PHF20: variants seen among roughly 807,000 people sequenced by gnomAD.
PHF20 encodes glioma-expressed antigen 2.
A neutral mutation model predicts 113.5 loss-of-function variants in PHF20; 23 were observed. That is an observed-to-expected ratio of 0.20 (90% confidence interval 0.15 to 0.29). PHF20 has a LOEUF of 0.29. PHF20 is among the 10% of genes least tolerant of loss of function. The pLI is 1.00. For synonymous variants in PHF20, 434 were observed against 457.3 expected, an observed-to-expected ratio of 0.95 and a Z score of 0.65; for missense variants, 943 against 1,219.6, an observed-to-expected ratio of 0.77 and a Z score of 3.38.
chr20:35,914,879 G>A (rs1369084178), intron 12 of PHF20, among the ~76,000 whole-genome samples: 1 of 148,884 alleles, frequency 6.7e-6, no homozygotes, highest in African/African-American at 2.5e-5. Context: ...CAGGAGAATC[G>A]TTTGAATCTG....
At chr20:35,931,205 TTC>T (rs753176068) in intron 14 of PHF20, 42 bp from the exon 15 acceptor site, 1 of 1,417,812 alleles carries the variant, frequency 7.1e-7, no homozygotes, top group East Asian at 2.3e-5. Flanking sequence ...TGGCCTGGGT[TTC>T]CTTCAGGCCT....
intron 9 of PHF20, among the ~76,000 whole-genome samples, chr20:35,891,500 ATTC>A (rs2054859922): frequency 6.6e-6 from 1 of 152,230 alleles, no homozygotes; most frequent in African/African-American, 2.4e-5. Flanking sequence ...ACTTACAGGA[ATTC>A]TTCGAGGCAG....
intron 9 of PHF20, among the ~76,000 whole-genome samples, chr20:35,889,645 G>A (rs2054811139): frequency 6.6e-6 from 1 of 151,972 alleles, no homozygotes; most frequent in African/African-American, 2.4e-5. Context: ...TTACACGCAT[G>A]AGCCACTGTG....
intron 1 of PHF20, among the ~76,000 whole-genome samples, chr20:35,777,600 G>A (rs1600716348): frequency 6.6e-6 from 1 of 152,344 alleles, no homozygotes; most frequent in East Asian, 1.9e-4. Context: ...AGGATTGCTT[G>A]AAGCCAGGAG....
chr20:35,941,149 T>C, intron 17 of PHF20, 102 bp downstream of exon 17: 1 of 845,398 alleles, frequency 1.2e-6, no homozygotes, highest in Non-Finnish European at 1.8e-6. Context: ...GGGACCGCTG[T>C]ACTCTTTGCT....
At chr20:35,902,690 T>C (rs2055120209) in intron 10 of PHF20, among the ~76,000 whole-genome samples, 1 of 152,224 alleles carries the variant, frequency 6.6e-6, no homozygotes, top group Admixed American at 6.5e-5. Flanking sequence ...TGAGTTTGAA[T>C]ACAGGCTCTA....
At chr20:35,913,441 G>A (rs2055345436) in intron 11 of PHF20, 94 bp downstream of exon 11, 2 of 832,646 alleles carry the variant, frequency 2.4e-6, no homozygotes, top group South Asian at 1.6e-5. Flanking sequence ...CCTGCGCTGA[G>A]CAGAGGAAGG....
intron 4 of PHF20, among the ~76,000 whole-genome samples, chr20:35,852,621 C>T (rs61415432): frequency 0.029 from 4,349 of 147,804 alleles, 116 homozygotes; most frequent in African/African-American, 0.073. Flanking sequence ...TTTTTTGAGA[C>T]GGAGTCTCCC....
intron 2 of PHF20, among the ~76,000 whole-genome samples, chr20:35,825,779 G>A (rs2042249706): frequency 6.6e-6 from 1 of 152,136 alleles, no homozygotes; most frequent in East Asian, 1.9e-4. Context: ...TCAGCCTCCT[G>A]TGTAGTTGGG....
At chr20:35,811,384 T>TG (rs2041974452) in intron 2 of PHF20, among the ~76,000 whole-genome samples, 1 of 152,052 alleles carries the variant, frequency 6.6e-6, no homozygotes, top group African/African-American at 2.4e-5. Context: ...TGTGACTTCT[T>TG]GCCTCTGAAT....
intron 9 of PHF20, among the ~76,000 whole-genome samples, chr20:35,895,300 A>T (rs962191744): frequency 6.6e-6 from 1 of 152,060 alleles, no homozygotes; most frequent in Non-Finnish European, 1.5e-5. Flanking sequence ...CTGGGATTAC[A>T]GGTGTGAGCC....
At chr20:35,905,277 C>T (rs1459030192) in intron 10 of PHF20, among the ~76,000 whole-genome samples, 2 of 152,104 alleles carry the variant, frequency 1.3e-5, no homozygotes, top group South Asian at 4.1e-4. Flanking sequence ...TCAGATTTTG[C>T]CTGTAGGGTA....
At chr20:35,894,415 AT>A (rs1432975637) in intron 9 of PHF20, among the ~76,000 whole-genome samples, 1 of 152,218 alleles carries the variant, frequency 6.6e-6, no homozygotes, top group Non-Finnish European at 1.5e-5. Context: ...AATCTGGATA[AT>A]TAGACTAGCT....
chr20:35,828,011 TTTTA>T lies in PHF20; in HGVS notation c.84-14538_84-14535del, dbSNP rs144459460. ...CCCTAGAGTAAGCTGCACTCATTAG[TTTTA>T]TTTATTTATTTATTTATTTATTTCT... On this transcript the variant is annotated intron_variant, in intron 2 of 17. Coordinates refer to ENST00000374012, the MANE Select transcript of PHF20 (RefSeq NM_016436.5). Among the ~76,000 whole-genome samples the T allele has an allele frequency of 5.9e-5, 9 of 151,734 alleles. 1 individual carries two copies. Among genetic ancestry groups the T allele is most frequent in the South Asian group, 2.1e-4 (1 of 4,804 alleles).
At chr20:35,775,462 A>G (rs2041153471) in intron 1 of PHF20, among the ~76,000 whole-genome samples, 1 of 152,028 alleles carries the variant, frequency 6.6e-6, no homozygotes, top group South Asian at 2.1e-4. Context: ...CTTTTTAAAT[A>G]TTGGCCAAAA....
intron 9 of PHF20, among the ~76,000 whole-genome samples, chr20:35,872,718 T>C (rs1234852211): frequency 1.3e-5 from 2 of 152,214 alleles, no homozygotes. Context: ...ACCTTATTGC[T>C]ATTGATTTCT....
chr20:35,864,769 T>C (rs2054284866), intron 6 of PHF20, among the ~76,000 whole-genome samples: 1 of 152,176 alleles, frequency 6.6e-6, no homozygotes, highest in South Asian at 2.1e-4. Flanking sequence ...CTGTCTAGTA[T>C]GGTAGCCACT....
intron 12 of PHF20, 144 bp downstream of exon 12, chr20:35,914,341 TTTACAAAAC>T (rs2147084666): frequency 2.5e-6 from 2 of 806,394 alleles, no homozygotes; most frequent in Admixed American, 5.8e-5. Flanking sequence ...TTTCCCAGTG[TTTACAAAAC>T]TTATGTTTAT....
intron 2 of PHF20, among the ~76,000 whole-genome samples, chr20:35,808,210 C>T (rs2041917557): frequency 6.6e-6 from 1 of 152,152 alleles, no homozygotes; most frequent in Non-Finnish European, 1.5e-5. Flanking sequence ...CCTTTCCAAT[C>T]CTCTGCTTCT....
Sources: gnomAD v4.1 joint callset for allele counts (sites outside exome capture counted in the v4.1 genomes callset) on GRCh38, gnomAD v4.1.1 for gene constraint, MANE v1.5 for transcripts, NCBI Gene and HGNC (gene_info 2026-07-23, HGNC 2026-07-21) for gene names.